GLCCI1: variants seen among roughly 807,000 people sequenced by gnomAD.
GLCCI1 encodes the protein glucocorticoid-induced transcript 1 protein.
GLCCI1 carries 24 observed loss-of-function variants against 52.2 expected under a neutral mutation model. That is an observed-to-expected ratio of 0.46 (90% CI 0.33 to 0.65). GLCCI1 has a LOEUF of 0.65. GLCCI1 is among the 30% of genes least tolerant of loss of function. The pLI, the probability that GLCCI1 is intolerant of heterozygous loss-of-function variation, is 0.02. For synonymous variants in GLCCI1, 310 were observed against 276.5 expected (o/e 1.12, Z -1.20); for missense variants, 704 against 701.5 (o/e 1.00, Z -0.04).
At chr7:8,085,044 G>T in intron 7 of GLCCI1, 27 bp downstream of exon 7, 1 of 1,612,632 alleles carries the variant, frequency 6.2e-7, no homozygotes, top group Non-Finnish European at 8.5e-7. Context: ...TTGTCAGCTG[G>T]GATCTGCAAA....
At chr7:8,031,991 T>A (rs1402848112) in intron 3 of GLCCI1, among the ~76,000 whole-genome samples, 1 of 152,030 alleles carries the variant, frequency 6.6e-6, no homozygotes, top group Non-Finnish European at 1.5e-5. Flanking sequence ...ATGACAGTAA[T>A]TAGAGATTTC....
intron 3 of GLCCI1, among the ~76,000 whole-genome samples, chr7:8,047,632 G>A (rs1782162021): frequency 6.6e-6 from 1 of 152,180 alleles, no homozygotes; most frequent in African/African-American, 2.4e-5. Context: ...GCTCAGTATT[G>A]TGTAAAGCAT....
intron 3 of GLCCI1, among the ~76,000 whole-genome samples, chr7:8,039,644 G>A (rs1781951637): frequency 6.6e-6 from 1 of 152,134 alleles, no homozygotes; most frequent in Non-Finnish European, 1.5e-5. Context: ...GGGTTGGAGT[G>A]GGGTGAGGGA....
intron 1 of GLCCI1, among the ~76,000 whole-genome samples, chr7:7,992,091 C>G (rs1780850964): frequency 2.2e-5 from 3 of 138,178 alleles, no homozygotes; most frequent in East Asian, 4.4e-4. Flanking sequence ...TTCTTTCTTT[C>G]TTTCTTTCTG....
chr7:8,000,328 T>C (rs1168171723), intron 1 of GLCCI1, among the ~76,000 whole-genome samples: 2 of 152,176 alleles, frequency 1.3e-5, no homozygotes, highest in African/African-American at 4.8e-5. Context: ...AAAAAGTTAA[T>C]ATAAATAACT....
intron 1 of GLCCI1, among the ~76,000 whole-genome samples, chr7:7,977,838 T>C (rs1469757460): frequency 6.6e-6 from 1 of 152,182 alleles, no homozygotes; most frequent in Non-Finnish European, 1.5e-5. Flanking sequence ...TCCTGGGAAG[T>C]TAAGTAATTT....
intron 3 of GLCCI1, among the ~76,000 whole-genome samples, chr7:8,025,132 C>T (rs929868769): frequency 1.3e-5 from 2 of 152,112 alleles, no homozygotes; most frequent in Non-Finnish European, 2.9e-5. Flanking sequence ...CCCCACATAT[C>T]CCAGGTTGAG....
intron 3 of GLCCI1, among the ~76,000 whole-genome samples, chr7:8,050,052 A>C (rs1782223207): frequency 6.6e-6 from 1 of 152,182 alleles, no homozygotes; most frequent in African/African-American, 2.4e-5. Flanking sequence ...AGCTAGCTGT[A>C]TCTGTAGAGG....
intron 1 of GLCCI1, among the ~76,000 whole-genome samples, chr7:7,992,102 TC>T (rs35952485): frequency 1.9e-4 from 23 of 122,776 alleles, no homozygotes; most frequent in African/African-American, 5.6e-4. Flanking sequence ...TTTCTTTCTG[TC>T]TGTTTCTCTC....
intron 5 of GLCCI1, 158 bp from the exon 6 acceptor site, chr7:8,070,763 G>A (rs1000183515): frequency 6.5e-6 from 4 of 616,546 alleles, no homozygotes; most frequent in South Asian, 2.0e-5. Context: ...GGTAACATAC[G>A]CAGAAATTAG....
Position 8,060,148 on chromosome 7 carries a change from A to G in GLCCI1, c.866A>G (p.Lys289Arg). Residue 289 changes from lysine to arginine, a missense_variant, in exon 5 of 8, where the codon AAA becomes AGA. Lys to Arg is a conservative substitution (Grantham distance 26). Transcript: ENST00000223145. ...CCACTGTCAAATATATCAGTGCCAA[A>G]ATCATCTGTTTCGCGTGTGCCCTGC... ...PMPLSNISVP[K>R]SSVSRVPCNV... The G allele has an allele frequency of 6.2e-7, 1 of 1,613,808 alleles. No individual in the cohort carries two copies. Among genetic ancestry groups the G allele is most frequent in the Non-Finnish European group, 8.5e-7 (1 of 1,179,778 alleles).
chr7:8,002,877 T>A (rs550568598), intron 1 of GLCCI1, among the ~76,000 whole-genome samples: 26 of 152,314 alleles, frequency 1.7e-4, no homozygotes, highest in South Asian at 1.7e-3. Flanking sequence ...GTGATACCCC[T>A]ATGGGAAGGA....
rs117128722 is a variant in GLCCI1 at position 8,018,871 on chromosome 7, T to C, written c.610-3612T>C. 1.4e-3 allele frequency among the ~76,000 whole-genome samples: 212 copies of C among 152,320 alleles called. 2 individuals are homozygous for C. In the East Asian group the frequency reaches 0.033, roughly 24 times the overall value. On this transcript the variant is annotated intron_variant, in intron 2 of 7. Coordinates refer to ENST00000223145, the MANE Select transcript of GLCCI1 (RefSeq NM_138426.4). ...CTCCTTTTAACACCAAAGGCATGGTTATATGTAGCACTATTTAAAAAATTC... is the reference window on the plus strand; with the variant it reads ...CTCCTTTTAACACCAAAGGCATGGTCATATGTAGCACTATTTAAAAAATTC...
chr7:7,985,923 G>A (rs1477420864), intron 1 of GLCCI1, among the ~76,000 whole-genome samples: 1 of 152,174 alleles, frequency 6.6e-6, no homozygotes, highest in Non-Finnish European at 1.5e-5. Flanking sequence ...GCATTGAAAA[G>A]TATAATTACT....
At chr7:7,974,314 CTG>C (rs1229706993) in intron 1 of GLCCI1, among the ~76,000 whole-genome samples, 4 of 152,140 alleles carry the variant, frequency 2.6e-5, no homozygotes, top group African/African-American at 9.6e-5. Flanking sequence ...TCTCAAATAA[CTG>C]TTATTGTAAG....
intron 7 of GLCCI1, among the ~76,000 whole-genome samples, chr7:8,085,312 A>T (rs1783081495): frequency 6.6e-6 from 1 of 152,224 alleles, no homozygotes; most frequent in Non-Finnish European, 1.5e-5. Context: ...TTAGATGGTA[A>T]CAAAGAGACT....
intron 3 of GLCCI1, among the ~76,000 whole-genome samples, chr7:8,036,889 A>G (rs773727680): frequency 1.2e-4 from 19 of 152,218 alleles, no homozygotes; most frequent in Non-Finnish European, 2.5e-4. Flanking sequence ...TTTGAGAAGT[A>G]TGAGATTATG....
chr7:7,981,221 A>T (rs1372628732), intron 1 of GLCCI1: 27 of 289,176 alleles, frequency 9.3e-5, no homozygotes, highest in Non-Finnish European at 1.3e-5. Context: ...ACTGGAAGAC[A>T]GGAGAAATCC....
intron 5 of GLCCI1, among the ~76,000 whole-genome samples, chr7:8,066,110 C>G (rs1043386211): frequency 6.6e-6 from 1 of 152,122 alleles, no homozygotes; most frequent in Admixed American, 6.5e-5. Context: ...ATTCTCTCTT[C>G]CTGGTTCAGT....
Sources: gnomAD v4.1 joint callset for allele counts (sites outside exome capture counted in the v4.1 genomes callset) on GRCh38, gnomAD v4.1.1 for gene constraint, MANE v1.5 for transcripts, NCBI Gene and HGNC (gene_info 2026-07-23, HGNC 2026-07-21) for gene names.